The following ETS1 variants were observed in gnomAD, a reference collection of about 807,000 sequenced individuals.
The protein encoded by ETS1 is ETS proto-oncogene 1, transcription factor.
In ETS1, 15 loss-of-function variants were observed where a neutral mutation model predicts 58.6. The observed-to-expected ratio is 0.26, with a 90% confidence interval of 0.17 to 0.39. ETS1 has a LOEUF of 0.39. Among genes scored for constraint, ETS1 ranks in the 10% least tolerant of loss-of-function variants. ETS1 has a pLI of 1.00. For synonymous variants in ETS1, 214 were observed against 218.2 expected (o/e 0.98, Z 0.17); for missense variants, 417 against 610.5 (o/e 0.68, Z 3.34).
chr11:128,466,231 T>C (rs1280142873), intron 8 of ETS1, among the ~76,000 whole-genome samples: 1 of 152,210 alleles, frequency 6.6e-6, no homozygotes, highest in African/African-American at 2.4e-5. Context: ...CTTCATTGTT[T>C]CTCCTTCCCA....
intron 3 of ETS1, among the ~76,000 whole-genome samples, chr11:128,540,369 T>C (rs10893884): frequency 0.48 from 71,805 of 148,138 alleles, 18,131 homozygotes; most frequent in East Asian, 0.7. Flanking sequence ...TAAAATTAAA[T>C]TGCAATGATA....
chr11:128,504,720 G>A (rs1863183998), intron 3 of ETS1, among the ~76,000 whole-genome samples: 1 of 152,052 alleles, frequency 6.6e-6, no homozygotes, highest in Non-Finnish European at 1.5e-5. Context: ...CATCATTGCT[G>A]TTTACTTACA....
intron 3 of ETS1, among the ~76,000 whole-genome samples, chr11:128,508,102 C>T (rs1863291823): frequency 1.3e-5 from 2 of 152,090 alleles, no homozygotes; most frequent in Non-Finnish European, 2.9e-5. Context: ...TTGAACTGGC[C>T]ACAGGGACGG....
At chr11:128,577,540 A>G (rs984489214) in intron 1 of ETS1, among the ~76,000 whole-genome samples, 7 of 152,238 alleles carry the variant, frequency 4.6e-5, no homozygotes, top group Non-Finnish European at 8.8e-5. Context: ...TAGCTGGCAC[A>G]TAGATAACTG....
At chr11:128,559,358 A>G (rs1591662351) in intron 2 of ETS1, among the ~76,000 whole-genome samples, 1 of 152,272 alleles carries the variant, frequency 6.6e-6, no homozygotes, top group Non-Finnish European at 1.5e-5. Context: ...GGGTGATAAC[A>G]GGGTAGCCAT....
intron 5 of ETS1, 132 bp downstream of exon 5, chr11:128,489,158 C>A (rs1042438078): frequency 3.4e-5 from 26 of 755,752 alleles, no homozygotes; most frequent in Non-Finnish European, 5.9e-5. Flanking sequence ...GTACTAGGCA[C>A]ATTCCCACAT....
rs1267198773 is a variant in ETS1 at position 128,461,241 on chromosome 11, C to T, written c.*1120G>A. The T allele has an allele frequency of 6.5e-6, 1 of 152,730 alleles. No homozygotes were observed. 9.5% of individuals were successfully genotyped at this position (152,730 alleles called of 1,614,324 possible). A position where few individuals can be genotyped will look rare whatever the true frequency, so the allele number is the denominator to read the frequency against. On this transcript the variant is annotated 3_prime_UTR_variant, in exon 10 of 10. Coordinates refer to ENST00000392668, the MANE Select transcript of ETS1 (RefSeq NM_001143820.2). ...AGTTTGGAACGACATGCATTCAGGA[C>T]TTATTTCTTAGGACCTGAGGGGTAA...
intron 2 of ETS1, among the ~76,000 whole-genome samples, chr11:128,564,375 C>T (rs111322628): frequency 0.021 from 3,262 of 152,296 alleles, 56 homozygotes; most frequent in African/African-American, 0.049. Context: ...AGGCCTGACA[C>T]GCTGCAGGTT....
chr11:128,527,154 G>A, intron 3 of ETS1: 3 of 342,118 alleles, frequency 8.8e-6, no homozygotes, highest in South Asian at 6.5e-5. Flanking sequence ...ATTGTCTTTG[G>A]GCAAATACAT....
intron 5 of ETS1, among the ~76,000 whole-genome samples, chr11:128,487,777 A>G (rs142050730): frequency 5.0e-4 from 76 of 152,134 alleles, no homozygotes; most frequent in African/African-American, 1.7e-3. Flanking sequence ...AAATATACTG[A>G]AAGTTGAAAT....
In ETS1 at chr11:128,475,114, C is replaced by A. The variant is rs151066959; in HGVS notation, c.1123+5077G>T. Among the ~76,000 whole-genome samples, 471 of 152,376 alleles carry A rather than the reference C, an allele frequency of 3.1e-3. 4 individuals are homozygous for A. The highest frequency in any genetic ancestry group is 7.7e-3 in the African/African-American group (320 of 41,596). ...GCTCTACGCTGTTCCTAATCACATGCCCACAGCACAAATTCACACTGCACT... is the reference window on the plus strand; with the variant it reads ...GCTCTACGCTGTTCCTAATCACATGACCACAGCACAAATTCACACTGCACT... On this transcript the variant is annotated intron_variant, in intron 8 of 9. Transcript: ENST00000392668.
In ETS1 at chr11:128,549,312, A is replaced by C. The variant is rs1591656188; in HGVS notation, c.214+6979T>G. On this transcript the variant is annotated intron_variant, in intron 3 of 9. Coordinates refer to ENST00000392668, the MANE Select transcript of ETS1 (RefSeq NM_001143820.2). The surrounding 1 kb of genome is among the most constrained non-coding windows in gnomAD (Gnocchi z 4.3). The stretch of plus-strand genomic sequence containing the variant: ...GCCCCTCTCCTGGGCTCCGGCTCCC[A>C]CCTCATCGGCCCACCCGAAGATGTC... Among the ~76,000 whole-genome samples the C allele has an allele frequency of 3.3e-5, 3 of 91,472 alleles. No homozygotes were observed. Among genetic ancestry groups the C allele is most frequent in the East Asian group, 3.2e-4 (1 of 3,160 alleles). The allele number at this position is 91,472 out of a possible 152,430, so 60.0% of individuals were successfully genotyped here.
At position 128,521,886 on chromosome 11, in the gene ETS1, G is replaced by T. The variant is rs750335767; in HGVS notation, c.215-31310C>A. On this transcript the variant is annotated intron_variant, in intron 3 of 9. Transcript: ENST00000392668. ...CCCCGGCCTCTGGCCGAGAGCTTGG[G>T]TGGGGGCCTCGGCCGTCGCCACTCA... 2.5e-6 allele frequency: 4 copies of T among 1,577,668 alleles called. No homozygotes were observed. The Middle Eastern group carries it at 5.5e-4, about 216-fold the overall frequency.
At chr11:128,476,761 CG>C (rs1381426289) in intron 8 of ETS1, among the ~76,000 whole-genome samples, 4 of 152,178 alleles carry the variant, frequency 2.6e-5, no homozygotes, top group Non-Finnish European at 4.4e-5. Context: ...AATGTATCTT[CG>C]AACAAAAGAA....
In ETS1 at chr11:128,489,207, C is replaced by A. The variant is rs60859278; in HGVS notation, c.535+83G>T. Reference sequence around the variant, plus strand: ...GGACACCCACAGATAAAGGCATTGACGTCCCACCATTGGGTGAGCCCCCTA... The same window carrying A: ...GGACACCCACAGATAAAGGCATTGAAGTCCCACCATTGGGTGAGCCCCCTA... On this transcript the variant is annotated intron_variant, in intron 5 of 9. Transcript: ENST00000392668. The A allele has an allele frequency of 4.7e-3, 5,422 of 1,160,778 alleles. 191 individuals carry two copies. The African/African-American group carries it at 0.072, about 15-fold the overall frequency. The allele number at this position is 1,160,778 out of a possible 1,614,324, so 71.9% of individuals were successfully genotyped here. A position where few individuals can be genotyped will look rare whatever the true frequency, so the allele number is the denominator to read the frequency against.
intron 3 of ETS1, among the ~76,000 whole-genome samples, chr11:128,515,300 T>A (rs1412660792): frequency 6.6e-6 from 1 of 151,832 alleles, no homozygotes; most frequent in East Asian, 1.9e-4. Flanking sequence ...CATGCAGAGT[T>A]TACAGTTTCT....
At chr11:128,576,720 G>A (rs935876290) in intron 1 of ETS1, among the ~76,000 whole-genome samples, 17 of 149,262 alleles carry the variant, frequency 1.1e-4, no homozygotes, top group African/African-American at 3.5e-4. Context: ...CCCTCTCGCC[G>A]TGACCCCTGC....
At position 128,549,422 on chromosome 11, in the gene ETS1, C is replaced by G. The variant is rs954631886; in HGVS notation, c.214+6869G>C. ...CCGTCCCACCCCCGTGCGAGGAGTT[C>G]CAGGAGAGGGGTCAAACTGCTTGAA... is the stretch of plus-strand genomic sequence containing the variant. On this transcript the variant is annotated intron_variant, in intron 3 of 9. Transcript: ENST00000392668. This position sits in a 1 kb window ranked among gnomAD's most constrained non-coding sequence, Gnocchi z 4.3. Among the ~76,000 whole-genome samples, 1 of 152,210 alleles carries G rather than the reference C, an allele frequency of 6.6e-6. No individual in the cohort carries two copies. The highest frequency in any genetic ancestry group is 1.5e-5 in the Non-Finnish European group (1 of 68,028).
chr11:128,553,183 T>C (rs575269716), intron 3 of ETS1, among the ~76,000 whole-genome samples: 1 of 152,078 alleles, frequency 6.6e-6, no homozygotes, highest in African/African-American at 2.4e-5. Context: ...CTCAGCCCCA[T>C]TGGCTCTCGC....
Sources: gnomAD v4.1 joint callset for allele counts (sites outside exome capture counted in the v4.1 genomes callset) on GRCh38, gnomAD v4.1.1 for gene constraint, Gnocchi (gnomAD v3.1) non-coding constraint, MANE v1.5 for transcripts, NCBI Gene and HGNC (gene_info 2026-07-23, HGNC 2026-07-21) for gene names.